CGREF1: variants seen among roughly 807,000 people sequenced by gnomAD.
CGREF1 encodes the protein cell growth regulator with EF hand domain protein 1.
A neutral mutation model predicts 17.4 loss-of-function variants in CGREF1; 16 were observed. The ratio of observed to expected loss-of-function variants is 0.92; its 90% confidence interval spans 0.62 to 1.40. The LOEUF (loss-of-function observed/expected upper bound fraction) is 1.40, where lower values mean the gene tolerates loss of function less well. Ranked by LOEUF, CGREF1 falls within the 40% of genes most tolerant of loss-of-function variation. The pLI is 0.00. For synonymous variants in CGREF1, 142 were observed against 154.6 expected, an observed-to-expected ratio of 0.92 and a Z score of 0.61; for missense variants, 296 against 376.4, an observed-to-expected ratio of 0.79 and a Z score of 1.77.
intron 1 of CGREF1, chr2:27,104,701 C>T: frequency 4.5e-6 from 7 of 1,549,316 alleles, no homozygotes; most frequent in Non-Finnish European, 6.1e-6. Context: ...AAGTACAGCG[C>T]AAGCATATCT....
chr2:27,106,610 T>TGG, intron 1 of CGREF1, among the ~76,000 whole-genome samples: 1 of 152,194 alleles, frequency 6.6e-6, no homozygotes, highest in East Asian at 1.9e-4. Flanking sequence ...TAATGTGGAT[T>TGG]TTTTGTTTTT....
rs76588957 is a variant in CGREF1 at position 27,118,336 on chromosome 2, C to T, written c.-12+510G>A. ...GGAAGCTAAAATTTTGAGTAGAATC[C>T]TCTCCCTTAATTCTTAATTTATCCC... On this transcript the variant is annotated intron_variant, in intron 1 of 5. Transcript: ENST00000402394. 6.0e-4 allele frequency among the ~76,000 whole-genome samples: 92 copies of T among 152,270 alleles called. 1 individual carries two copies. In the East Asian group the frequency reaches 0.016, roughly 26 times the overall value.
Position 27,101,321 on chromosome 2 carries a change from T to C in CGREF1, c.910A>G (p.Asn304Asp). The change falls in exon 6 of 6, where the codon AAT (asparagine) becomes GAT (aspartate). Residue 304 changes from asparagine (N) to aspartate (D), a missense_variant. Physicochemically the swap from Asn to Asp is conservative, Grantham distance 23. Coordinates refer to ENST00000402394, the MANE Select transcript of CGREF1 (RefSeq NM_006569.6). ...TGAACAATGTGCACCTCAAAGTCAT[T>C]TTGGGTGTTCTTAGACTCCAGTGTT... ...GETLESKNTQNDFEVHIVQVE... is the reference protein window; with the variant it reads ...GETLESKNTQDDFEVHIVQVE... 1 of 1,596,694 alleles carries C rather than the reference T, an allele frequency of 6.3e-7. No homozygotes were observed. Among genetic ancestry groups the C allele is most frequent in the Non-Finnish European group, 8.5e-7 (1 of 1,170,844 alleles).
At position 27,101,097 on chromosome 2, in the gene CGREF1, A is replaced by C; in HGVS notation, c.*177T>G. 1 of 1,360,336 alleles carries C rather than the reference A, an allele frequency of 7.4e-7. No individual in the cohort carries two copies. Among genetic ancestry groups the C allele is most frequent in the Non-Finnish European group, 9.4e-7 (1 of 1,063,194 alleles). 84.3% of individuals were successfully genotyped at this position (1,360,336 alleles called of 1,614,324 possible). A position where few individuals can be genotyped will look rare whatever the true frequency, so the allele number is the denominator to read the frequency against. ...GGGGGATGAATTCATTCAGTTCTTT[A>C]TTGGTAATCTGCCCCTTAACTTAGG... On this transcript the variant is annotated 3_prime_UTR_variant, in exon 6 of 6. Transcript: ENST00000402394.
In CGREF1 at chr2:27,101,135, T is replaced by G. The variant is rs533954435; in HGVS notation, c.*139A>C. 6.9e-6 allele frequency: 10 copies of G among 1,447,942 alleles called. No homozygotes were observed. The highest frequency in any genetic ancestry group is 9.0e-6 in the Non-Finnish European group (10 of 1,108,310). The allele number at this position is 1,447,942 out of a possible 1,614,324, so 89.7% of individuals were successfully genotyped here. On this transcript the variant is annotated 3_prime_UTR_variant, in exon 6 of 6. Transcript: ENST00000402394. ...CCCTTAACTTAGGGTCTCCCTGAGCTGCACAGAAAGACCTGATACCTACTG... is the reference window on the plus strand; with the variant it reads ...CCCTTAACTTAGGGTCTCCCTGAGCGGCACAGAAAGACCTGATACCTACTG...
chr2:27,116,397 C>T (rs898346993), intron 1 of CGREF1, among the ~76,000 whole-genome samples: 12 of 151,666 alleles, frequency 7.9e-5, no homozygotes, highest in Non-Finnish European at 4.4e-5. Flanking sequence ...CACAGTGGCA[C>T]GTGCCTGTAA....
intron 1 of CGREF1, among the ~76,000 whole-genome samples, chr2:27,116,613 A>G (rs1206995536): frequency 6.6e-6 from 1 of 150,900 alleles, no homozygotes; most frequent in African/African-American, 2.4e-5. Context: ...TCTGCTGCCC[A>G]GGCTGGAGTG....
intron 1 of CGREF1, among the ~76,000 whole-genome samples, chr2:27,110,305 G>A (rs1671315482): frequency 6.6e-6 from 1 of 152,126 alleles, no homozygotes; most frequent in African/African-American, 2.4e-5. Flanking sequence ...GGGAGGCTGA[G>A]GTGGGAAGAA....
intron 1 of CGREF1, 87 bp from the exon 2 acceptor site, chr2:27,104,464 T>G (rs1043711065): frequency 6.4e-7 from 1 of 1,558,546 alleles, no homozygotes. Context: ...CAAGCGCATT[T>G]TCTGCCTGCT....
At chr2:27,109,525 A>G (rs1253153539) in intron 1 of CGREF1, among the ~76,000 whole-genome samples, 5 of 152,220 alleles carry the variant, frequency 3.3e-5, no homozygotes, top group African/African-American at 1.2e-4. Context: ...ACAATATTGG[A>G]CAATGACATG....
chr2:27,106,654 C>T (rs1433656356), intron 1 of CGREF1, among the ~76,000 whole-genome samples: 3 of 152,146 alleles, frequency 2.0e-5, no homozygotes, highest in Non-Finnish European at 2.9e-5. Flanking sequence ...CTCACTCTGT[C>T]GCCCAGGCTG....
chr2:27,110,187 G>A (rs1339869988), intron 1 of CGREF1, among the ~76,000 whole-genome samples: 1 of 151,668 alleles, frequency 6.6e-6, no homozygotes. Context: ...GTCTCTGTTT[G>A]AGCCCAGGAG....
chr2:27,117,085 G>A (rs1671615990), intron 1 of CGREF1, among the ~76,000 whole-genome samples: 1 of 151,522 alleles, frequency 6.6e-6, no homozygotes, highest in Admixed American at 6.6e-5. Context: ...GCTAATTTTT[G>A]TATTTTTAGT....
intron 1 of CGREF1, among the ~76,000 whole-genome samples, chr2:27,109,017 T>C (rs888359049): frequency 6.6e-5 from 10 of 151,996 alleles, no homozygotes; most frequent in Non-Finnish European, 1.3e-4. Context: ...GCAATCCTCC[T>C]ACCTTGTAAA....
In CGREF1 at chr2:27,100,891, G is replaced by T; in HGVS notation, c.*383C>A. The stretch of plus-strand genomic sequence containing the variant: ...GAACCGGTGAGGGTTTGGGGCCCAG[G>T]GATAGACTGAGCTTTCCTCACTGGG... On this transcript the variant is annotated 3_prime_UTR_variant, in exon 6 of 6. Transcript: ENST00000402394. 1 of 1,093,330 alleles carries T rather than the reference G, an allele frequency of 9.1e-7. No individual in the cohort carries two copies. Among genetic ancestry groups the T allele is most frequent in the East Asian group, 7.3e-5 (1 of 13,608 alleles). The allele number at this position is 1,093,330 out of a possible 1,614,324, so 67.7% of individuals were successfully genotyped here.
intron 1 of CGREF1, among the ~76,000 whole-genome samples, chr2:27,107,612 T>C (rs1671174345): frequency 6.6e-6 from 1 of 151,384 alleles, no homozygotes; most frequent in Non-Finnish European, 1.5e-5. Flanking sequence ...AAATAAGAGT[T>C]TTCCGGCCAG....
downstream of CGREF1, chr2:27,099,727 C>T: frequency 6.2e-7 from 1 of 1,614,128 alleles, no homozygotes. Flanking sequence ...GTGTGGCCTG[C>T]AGGGCTTTGA....
At position 27,116,574 on chromosome 2, in the gene CGREF1, A is replaced by AT. The variant is rs113576578; in HGVS notation, c.-12+2271dup. On this transcript the variant is annotated intron_variant, in intron 1 of 5. Transcript: ENST00000402394. The stretch of plus-strand genomic sequence containing the variant: ...GTAAATGATGTGGACTTTCAGTATA[A>AT]TTTTTTTTTTTTTGAGATAGAGTCT... 2.9e-3 allele frequency among the ~76,000 whole-genome samples: 424 copies of AT among 145,592 alleles called. 2 individuals are homozygous for AT. Among genetic ancestry groups the AT allele is most frequent in the African/African-American group, 6.2e-3 (246 of 39,856 alleles).
In CGREF1 at chr2:27,101,623, T is replaced by A. The variant is rs2148378608; in HGVS notation, c.608A>T (p.Asp203Val). The change falls in exon 6 of 6, where the codon GAT becomes GTT. Residue 203 changes from aspartate (D) to valine (V), a missense_variant. By Grantham distance (152) the Asp-to-Val change is radical. This residue lies in a region of CGREF1 where 247 missense variants were observed against 267.2 expected (regional missense o/e 0.92). Coordinates refer to ENST00000402394, the MANE Select transcript of CGREF1 (RefSeq NM_006569.6). ...GQVEARRESLDPVQEPGGQAE... is the reference protein window; with the variant it reads ...GQVEARRESLVPVQEPGGQAE... Reference sequence around the variant, plus strand: ...CTGGCCCCCAGGCTCCTGGACAGGATCCAAAGACTCCCTTCTGGCCTCTAC... The same window carrying A: ...CTGGCCCCCAGGCTCCTGGACAGGAACCAAAGACTCCCTTCTGGCCTCTAC... 6.2e-7 allele frequency: 1 copy of A among 1,614,118 alleles called. No homozygotes were observed.
Sources: gnomAD v4.1 joint callset for allele counts (sites outside exome capture counted in the v4.1 genomes callset) on GRCh38, gnomAD v4.1.1 for gene constraint, gnomAD v4.1.1 regional missense constraint, MANE v1.5 for transcripts, NCBI Gene and HGNC (gene_info 2026-07-23, HGNC 2026-07-21) for gene names.